The following KDM4C variants were observed in gnomAD, a reference collection of about 807,000 sequenced individuals.
KDM4C encodes the protein lysine-specific demethylase 4C.
KDM4C carries 81 observed loss-of-function variants against 129.3 expected under a neutral mutation model. The ratio of observed to expected loss-of-function variants is 0.63; its 90% CI spans 0.52 to 0.75. The LOEUF (loss-of-function observed/expected upper bound fraction) is 0.75. KDM4C is among the 30% of genes least tolerant of loss of function. The probability of loss-of-function intolerance (pLI) is 0.00; values close to 1 mark genes in which losing one functional copy is unlikely to be tolerated. For synonymous variants in KDM4C, 573 were observed against 456.1 expected (o/e 1.26, Z -3.26); for missense variants, 1,457 against 1,304.0 (o/e 1.12, Z -1.81).
chr9:7,043,699 A>T (rs1007496376), intron 15 of KDM4C, among the ~76,000 whole-genome samples: 3 of 151,534 alleles, frequency 2.0e-5, no homozygotes, highest in Non-Finnish European at 4.4e-5. Flanking sequence ...TTTTTTCAAA[A>T]TTGGGAGAAT....
In KDM4C at chr9:6,806,980, G is replaced by A. The variant is rs1167646593; in HGVS notation, c.320+1206G>A. Among the ~76,000 whole-genome samples the A allele has an allele frequency of 4.0e-5, 6 of 151,570 alleles. No homozygotes were observed. The South Asian group carries it at 6.2e-4, about 16-fold the overall frequency. On this transcript the variant is annotated intron_variant, in intron 3 of 21. Transcript: ENST00000381309. ...GCTGGACTGTACTGCTGCCATCTCC[G>A]CTCACTGCAACCTCCCTGCCTGATT...
intron 17 of KDM4C, among the ~76,000 whole-genome samples, chr9:7,061,886 A>T (rs1462746040): frequency 1.3e-5 from 2 of 152,214 alleles, no homozygotes; most frequent in South Asian, 2.1e-4. Flanking sequence ...TTCTCCGTAC[A>T]TTACCCCTCA....
chr9:6,859,473 CAAAAAAAAAAAAAA>C (rs58056883), intron 5 of KDM4C, among the ~76,000 whole-genome samples: 1 of 47,846 alleles, frequency 2.1e-5, no homozygotes, highest in Admixed American at 3.1e-4. Flanking sequence ...GACTCTGTCT[CAAAAAAAAAAAAAA>C]AAAAAAAAAA....
intron 9 of KDM4C, chr9:6,981,757 C>T (rs1816800770): frequency 5.3e-6 from 1 of 187,750 alleles, no homozygotes; most frequent in African/African-American, 2.4e-5. Flanking sequence ...TTGCTCAGGT[C>T]CTTAGGCTAC....
At chr9:7,016,132 C>CTT (rs747210107) in intron 15 of KDM4C, among the ~76,000 whole-genome samples, 12,183 of 144,194 alleles carry the variant, frequency 0.084, 937 homozygotes, top group African/African-American at 0.2. Flanking sequence ...AATTTATTTT[C>CTT]TTTTTTTTTT....
chr9:7,053,614 TA>T (rs1404685562), intron 17 of KDM4C, among the ~76,000 whole-genome samples: 2 of 152,244 alleles, frequency 1.3e-5, no homozygotes, highest in Non-Finnish European at 2.9e-5. Context: ...TATTTTCTTT[TA>T]TTTCTGTGTC....
In KDM4C at chr9:7,073,247, A is replaced by G. The variant is rs140214931; in HGVS notation, c.2424+24047A>G. Among the ~76,000 whole-genome samples the G allele has an allele frequency of 3.4e-3, 512 of 152,364 alleles. 3 individuals carry two copies. Among genetic ancestry groups the G allele is most frequent in the African/African-American group, 0.01 (433 of 41,582 alleles). ...TAGCTAAAATCCTACTGCCAGAATC[A>G]TTAATTAGATATTACAGTTTCTATT... On this transcript the variant is annotated intron_variant, in intron 17 of 21. Transcript: ENST00000381309.
intron 17 of KDM4C, among the ~76,000 whole-genome samples, chr9:7,049,928 T>G (rs1829912373): frequency 6.6e-6 from 1 of 152,124 alleles, no homozygotes; most frequent in African/African-American, 2.4e-5. Context: ...GGAGCACGTC[T>G]TACAGGTGGA....
intron 8 of KDM4C, among the ~76,000 whole-genome samples, chr9:6,894,750 C>A (rs969112539): frequency 6.6e-6 from 1 of 152,140 alleles, no homozygotes; most frequent in Non-Finnish European, 1.5e-5. Context: ...TGGTAGTGCT[C>A]CTCTCTGAAA....
chr9:6,808,971 A>G (rs1407979298), intron 3 of KDM4C, among the ~76,000 whole-genome samples: 1 of 152,150 alleles, frequency 6.6e-6, no homozygotes, highest in East Asian at 1.9e-4. Context: ...AGACCAACAA[A>G]AAATCATAGT....
intron 1 of KDM4C, among the ~76,000 whole-genome samples, chr9:6,767,354 G>C (rs977310281): frequency 6.6e-6 from 1 of 151,846 alleles, no homozygotes; most frequent in African/African-American, 2.4e-5. Context: ...CGTTCGGCAG[G>C]ATGGTCTCGA....
At chr9:7,026,801 C>G (rs544635705) in intron 15 of KDM4C, among the ~76,000 whole-genome samples, 2 of 152,052 alleles carry the variant, frequency 1.3e-5, no homozygotes, top group East Asian at 1.9e-4. Context: ...TGTCTCCTCT[C>G]ATTGTGTATT....
At chr9:7,048,977 CT>C (rs1269204878) in intron 16 of KDM4C, 114 bp from the exon 17 acceptor site, 8 of 658,048 alleles carry the variant, frequency 1.2e-5, no homozygotes, top group East Asian at 5.5e-5. Context: ...TGGATTTAGG[CT>C]TTTGGCTTTC....
At chr9:6,752,693 G>A (rs999310871), upstream of KDM4C, among the ~76,000 whole-genome samples, 1 of 152,006 alleles carries the variant, frequency 6.6e-6, no homozygotes, top group African/African-American at 2.4e-5. Context: ...GTAAGCCACC[G>A]CGCTCAGCCT....
chr9:6,918,306 G>T (rs1415672059), intron 8 of KDM4C, among the ~76,000 whole-genome samples: 1 of 152,176 alleles, frequency 6.6e-6, no homozygotes, highest in Non-Finnish European at 1.5e-5. Flanking sequence ...ATTTTCTTAG[G>T]ATAACGGCCT....
At chr9:7,006,479 C>T (rs1267366720) in intron 12 of KDM4C, among the ~76,000 whole-genome samples, 2 of 151,910 alleles carry the variant, frequency 1.3e-5, no homozygotes, top group Non-Finnish European at 2.9e-5. Context: ...TGTTTATGGT[C>T]CTGAGGAGTG....
At chr9:6,790,179 C>T (rs71490285) in intron 1 of KDM4C, among the ~76,000 whole-genome samples, 33,340 of 149,476 alleles carry the variant, frequency 0.22, 4,196 homozygotes, top group Non-Finnish European at 0.29. Flanking sequence ...GCTGGGATTA[C>T]AGGCGTGAGC....
intron 8 of KDM4C, among the ~76,000 whole-genome samples, chr9:6,934,438 C>T (rs919296181): frequency 1.1e-4 from 17 of 151,116 alleles, no homozygotes; most frequent in African/African-American, 4.1e-4. Flanking sequence ...TGAGATCATG[C>T]CACCGCACTC....
At chr9:7,148,669 G>C (rs1482978529) in intron 19 of KDM4C, among the ~76,000 whole-genome samples, 1 of 152,206 alleles carries the variant, frequency 6.6e-6, no homozygotes, top group Non-Finnish European at 1.5e-5. Flanking sequence ...CAGGAAGAAT[G>C]AGATTATGTG....
Sources: gnomAD v4.1 joint callset for allele counts (sites outside exome capture counted in the v4.1 genomes callset) on GRCh38, gnomAD v4.1.1 for gene constraint, MANE v1.5 for transcripts, NCBI Gene and HGNC (gene_info 2026-07-23, HGNC 2026-07-21) for gene names.